The following ETFBKMT variants were observed in gnomAD, a reference collection of about 807,000 sequenced individuals.
ETFBKMT encodes electron transfer flavoprotein subunit beta lysine methyltransferase.
A neutral mutation model predicts 18.3 loss-of-function variants in ETFBKMT; 13 were observed. That is an observed-to-expected ratio of 0.71 (90% CI 0.46 to 1.13). The LOEUF is 1.13. Among genes scored for constraint, ETFBKMT ranks in the 50% most tolerant of loss-of-function variants. ETFBKMT has a pLI of 0.00. For synonymous variants in ETFBKMT, 84 were observed against 107.9 expected (o/e 0.78, Z 1.37); for missense variants, 293 against 306.2 (o/e 0.96, Z 0.32).
In ETFBKMT at chr12:31,667,904, A is replaced by C. The variant is rs769979813; in HGVS notation, c.703A>C (p.Lys235Gln). 4 of 1,614,106 alleles carry C rather than the reference A, an allele frequency of 2.5e-6. No homozygotes were observed. Among genetic ancestry groups the C allele is most frequent in the Non-Finnish European group, 3.4e-6 (4 of 1,180,048 alleles). Residue 235 changes from lysine to glutamine, a missense_variant, in exon 4 of 4, where the codon AAA (lysine) becomes CAA (glutamine). Lys to Gln is a moderately conservative substitution (Grantham distance 53). Coordinates refer to ENST00000357721, the MANE Select transcript of ETFBKMT (RefSeq NM_001135863.2). ...ACACAGCATTCAGCATCACCTGCAC[A>C]AAGTGGTAGAATATTCACTTTTGGA... Reference protein sequence around the residue: ...SGHSIQHHLHKVVEYSLLEST... With the variant: ...SGHSIQHHLHQVVEYSLLEST...
chr12:31,658,456 T>C (rs534911302), upstream of ETFBKMT, among the ~76,000 whole-genome samples: 1 of 152,338 alleles, frequency 6.6e-6, no homozygotes, highest in African/African-American at 2.4e-5. Context: ...TAAGGCTGCA[T>C]CTGGGGCTGT....
intron 1 of ETFBKMT, among the ~76,000 whole-genome samples, chr12:31,647,599 C>T (rs1238169373): frequency 1.3e-5 from 2 of 152,074 alleles, no homozygotes; most frequent in African/African-American, 2.4e-5. Context: ...GGGACTGAGG[C>T]GGGTGGATCA....
At chr12:31,656,572 A>C (rs1337711150), upstream of ETFBKMT, among the ~76,000 whole-genome samples, 1 of 152,180 alleles carries the variant, frequency 6.6e-6, no homozygotes, top group Non-Finnish European at 1.5e-5. Flanking sequence ...AATCGAGTGG[A>C]GCAAGAGAAA....
In ETFBKMT at chr12:31,662,285, C is replaced by A. The variant is rs1426383857; in HGVS notation, c.314+18C>A. The A allele has an allele frequency of 6.2e-7, 1 of 1,608,346 alleles. No individual in the cohort carries two copies. Among genetic ancestry groups the A allele is most frequent in the Non-Finnish European group, 8.5e-7 (1 of 1,176,198 alleles). On this transcript the variant is annotated intron_variant, in intron 2 of 3. Transcript: ENST00000357721. ...CTGTCTAGGTACTACCCTAATGAAA[C>A]CTTTAAGGCGCTACAGATCTTTGCT...
At chr12:31,649,357 T>C (rs1015193214) in intron 1 of ETFBKMT, among the ~76,000 whole-genome samples, 3 of 152,254 alleles carry the variant, frequency 2.0e-5, no homozygotes, top group Non-Finnish European at 2.9e-5. Context: ...GAAAACATTA[T>C]GCTCAATGAA....
rs76383138 is a variant in ETFBKMT, at chr12:31,672,811, AGGTAC to A, written c.*4826_*4830del. 6,698 of 164,900 alleles carry A rather than the reference AGGTAC, an allele frequency of 0.041. 433 individuals carry two copies. The highest frequency in any genetic ancestry group is 0.27 in the East Asian group (1,556 of 5,796). The allele number at this position is 164,900 out of a possible 1,614,324, so 10.2% of individuals were successfully genotyped here. A position where few individuals can be genotyped will look rare whatever the true frequency, so the allele number is the denominator to read the frequency against. ...AAAAGTAGGATTAAAGAAAGCCAATAGGTACGGTAAACCACCTTGGGAAGCTGCAA... is the reference window on the plus strand; with the variant it reads ...AAAAGTAGGATTAAAGAAAGCCAATAGGTAAACCACCTTGGGAAGCTGCAA... On this transcript the variant is annotated 3_prime_UTR_variant, in exon 4 of 4. Transcript: ENST00000357721.
intron 1 of ETFBKMT, among the ~76,000 whole-genome samples, chr12:31,651,816 A>G (rs529659036): frequency 1.3e-5 from 2 of 152,324 alleles, no homozygotes; most frequent in East Asian, 1.9e-4. Context: ...GGGAATCCTC[A>G]GTAAGGCTTT....
intron 2 of ETFBKMT, among the ~76,000 whole-genome samples, chr12:31,665,779 G>A (rs141570988): frequency 6.6e-6 from 1 of 152,376 alleles, no homozygotes; most frequent in East Asian, 1.9e-4. Context: ...TAAAGGGATG[G>A]GTTGGGTTAG....
chr12:31,671,229 T>C lies in ETFBKMT; in HGVS notation c.*3239T>C, dbSNP rs1341306381. 3 of 152,192 alleles carry C rather than the reference T, an allele frequency of 2.0e-5. No individual in the cohort carries two copies. The highest frequency in any genetic ancestry group is 7.2e-5 in the African/African-American group (3 of 41,456). 9.4% of individuals were successfully genotyped at this position (152,192 alleles called of 1,614,324 possible). A position where few individuals can be genotyped will look rare whatever the true frequency, so the allele number is the denominator to read the frequency against. Reference sequence around the variant, plus strand: ...ACAGGCCTTACCCATTTTGCACATATATACATATGCACCACCTTTGCAGTG... The same window carrying C: ...ACAGGCCTTACCCATTTTGCACATACATACATATGCACCACCTTTGCAGTG... On this transcript the variant is annotated 3_prime_UTR_variant, in exon 4 of 4. Coordinates refer to ENST00000357721, the MANE Select transcript of ETFBKMT (RefSeq NM_001135863.2).
At chr12:31,666,609 C>T (rs181620761) in intron 3 of ETFBKMT, among the ~76,000 whole-genome samples, 35 of 152,244 alleles carry the variant, frequency 2.3e-4, no homozygotes, top group African/African-American at 7.9e-4. Context: ...CTGGTCTACC[C>T]TTTCACTGAG....
At chr12:31,650,538 G>A (rs1488816877) in intron 1 of ETFBKMT, among the ~76,000 whole-genome samples, 1 of 151,512 alleles carries the variant, frequency 6.6e-6, no homozygotes, top group African/African-American at 2.4e-5. Flanking sequence ...TCTTGCGTGA[G>A]ATCCAAGAAC....
chr12:31,661,173 A>T (rs1023151087), intron 1 of ETFBKMT, among the ~76,000 whole-genome samples: 4 of 152,248 alleles, frequency 2.6e-5, no homozygotes, highest in Non-Finnish European at 5.9e-5. Flanking sequence ...ATGCCATTTT[A>T]TATAAGGGAC....
rs1025292078 is a variant in ETFBKMT at position 31,670,309 on chromosome 12, C to G, written c.*2319C>G. 3 of 152,242 alleles carry G rather than the reference C, an allele frequency of 2.0e-5. No individual in the cohort carries two copies. The highest frequency in any genetic ancestry group is 7.2e-5 in the African/African-American group (3 of 41,454). The allele number at this position is 152,242 out of a possible 1,614,324, so 9.4% of individuals were successfully genotyped here. On this transcript the variant is annotated 3_prime_UTR_variant, in exon 4 of 4. Transcript: ENST00000357721. ...GTTTCTAATTTGTGAGGCATTCTCT[C>G]TTTAACCTTAATTCTCTAATGGATC...
chr12:31,654,203 C>G (rs975224492), upstream of ETFBKMT, among the ~76,000 whole-genome samples: 2 of 152,142 alleles, frequency 1.3e-5, no homozygotes, highest in Non-Finnish European at 2.9e-5. Context: ...GCACACGCCA[C>G]CATGTCCGAC....
chr12:31,651,621 C>T (rs1436801574), intron 1 of ETFBKMT, among the ~76,000 whole-genome samples: 1 of 152,134 alleles, frequency 6.6e-6, no homozygotes, highest in African/African-American at 2.4e-5. Flanking sequence ...CATGGGCCAC[C>T]GCGCCCGGCC....
chr12:31,662,393 G>A, intron 2 of ETFBKMT, 126 bp downstream of exon 2: 2 of 808,412 alleles, frequency 2.5e-6, no homozygotes, highest in South Asian at 3.6e-5. Flanking sequence ...AGTACTTTGG[G>A]AGGCTGAGGC....
At chr12:31,652,969 G>A (rs528240898) in intron 1 of ETFBKMT, among the ~76,000 whole-genome samples, 1 of 152,352 alleles carries the variant, frequency 6.6e-6, no homozygotes, top group East Asian at 1.9e-4. Context: ...AGCACTTTGG[G>A]AGGCCGAGGC....
rs750018631 is a variant in ETFBKMT at position 31,661,984 on chromosome 12, A to C, written c.31A>C (p.Arg11=). The C allele has an allele frequency of 9.9e-6, 16 of 1,614,142 alleles. No individual in the cohort carries two copies. The highest frequency in any genetic ancestry group is 1.4e-5 in the Non-Finnish European group (16 of 1,180,008). The change falls in exon 2 of 4, where the codon AGG becomes CGG. Residue 11 remains arginine (R), a synonymous_variant. Transcript: ENST00000357721. The part of the protein sequence containing the change: MALSLGWKAH[R]NHCGLLLQAL... The stretch of plus-strand genomic sequence containing the variant: ...TTTGAGTCTAGGTTGGAAAGCACAC[A>C]GGAACCACTGTGGTCTCCTCTTGCA...
chr12:31,648,083 A>T (rs1396615182), intron 1 of ETFBKMT, among the ~76,000 whole-genome samples: 1 of 152,250 alleles, frequency 6.6e-6, no homozygotes, highest in Non-Finnish European at 1.5e-5. Context: ...TTATAGTGGC[A>T]TTATTCATAA....
Sources: gnomAD v4.1 joint callset for allele counts (sites outside exome capture counted in the v4.1 genomes callset) on GRCh38, gnomAD v4.1.1 for gene constraint, MANE v1.5 for transcripts, NCBI Gene and HGNC (gene_info 2026-07-23, HGNC 2026-07-21) for gene names.